The following AIPL1 variants were observed in gnomAD, a reference collection of about 807,000 sequenced individuals.
AIPL1 encodes AIP like 1 HSP90 co-chaperone.
AIPL1 carries 23 observed loss-of-function variants against 32.9 expected under a neutral mutation model. The ratio of observed to expected loss-of-function variants is 0.70; its 90% CI spans 0.50 to 0.99. The LOEUF is 0.99. AIPL1 is among the 50% of genes least tolerant of loss of function. AIPL1 has a pLI of 0.00. For synonymous variants in AIPL1, 210 were observed against 209.4 expected, an observed-to-expected ratio of 1.00 and a Z score of -0.02; for missense variants, 485 against 506.0, an observed-to-expected ratio of 0.96 and a Z score of 0.40.
rs199772097 is a variant in AIPL1 at position 6,425,841 on chromosome 17, C to T, written c.785-11G>A. On this transcript the variant is annotated splice_polypyrimidine_tract_variant and intron_variant, in intron 5 of 5. Coordinates refer to ENST00000381129, the MANE Select transcript of AIPL1 (RefSeq NM_014336.5). Reference sequence around the variant, plus strand: ...AGGCCTTCACGATGCCTGTGGGGAGCAGGGAGCATCCAGCTACAGCTCCCT... The same window carrying T: ...AGGCCTTCACGATGCCTGTGGGGAGTAGGGAGCATCCAGCTACAGCTCCCT... 1.9e-5 allele frequency: 31 copies of T among 1,601,198 alleles called. No homozygotes were observed. Among genetic ancestry groups the T allele is most frequent in the South Asian group, 1.5e-4 (14 of 91,010 alleles).
intron 2 of AIPL1, among the ~76,000 whole-genome samples, chr17:6,430,480 A>AAAAAAAAAG: frequency 6.6e-6 from 1 of 150,918 alleles, no homozygotes; most frequent in Non-Finnish European, 1.5e-5. Flanking sequence ...AAAAAAAAAA[A>AAAAAAAAAG]CAGTTACCAG....
chr17:6,430,964 G>T (rs906378731), intron 2 of AIPL1, among the ~76,000 whole-genome samples: 1 of 151,388 alleles, frequency 6.6e-6, no homozygotes, highest in Non-Finnish European at 1.5e-5. Flanking sequence ...TGTTGAGTGG[G>T]ATCACCTACT....
Position 6,426,964 on chromosome 17 carries a change from G to A in AIPL1, c.559C>T (p.Arg187Trp), listed in dbSNP as rs372483880. ...AVPVLHGEGN[R>W]LFKLGRYEEA... Reference sequence around the variant, plus strand: ...TCGTAGCGGCCCAGCTTGAAGAGCCGATTTCCCTCTCCGTGGAGGACGGGC... The same window carrying A: ...TCGTAGCGGCCCAGCTTGAAGAGCCAATTTCCCTCTCCGTGGAGGACGGGC... Residue 187 changes from arginine to tryptophan, a missense_variant, in exon 4 of 6, where the codon CGG becomes TGG. By Grantham distance (101) the Arg-to-Trp change is moderately radical. Transcript: ENST00000381129. The A allele has an allele frequency of 6.8e-6, 11 of 1,614,074 alleles. No individual in the cohort carries two copies. The highest frequency in any genetic ancestry group is 3.3e-5 in the South Asian group (3 of 91,088).
At chr17:6,431,240 G>C (rs533949889) in intron 2 of AIPL1, among the ~76,000 whole-genome samples, 3 of 151,648 alleles carry the variant, frequency 2.0e-5, no homozygotes, top group Non-Finnish European at 4.4e-5. Flanking sequence ...GAGGTCAAGA[G>C]TTCGAGACCA....
chr17:6,433,369 G>A (rs1912797527), intron 2 of AIPL1, among the ~76,000 whole-genome samples: 1 of 152,146 alleles, frequency 6.6e-6, no homozygotes, highest in Non-Finnish European at 1.5e-5. Context: ...GGCCGAGACA[G>A]GAGGATTGCT....
At chr17:6,426,323 T>C in intron 5 of AIPL1, 1 of 1,381,196 alleles carries the variant, frequency 7.2e-7, no homozygotes, top group Non-Finnish European at 9.4e-7. Flanking sequence ...TTTCCCTATA[T>C]TGATTGCCCC....
intron 2 of AIPL1, 54 bp downstream of exon 2, chr17:6,433,865 G>A: frequency 5.1e-6 from 8 of 1,579,922 alleles, no homozygotes; most frequent in South Asian, 1.1e-5. Flanking sequence ...CAAAGCGGGT[G>A]GGTGAGCCCA....
chr17:6,425,543 G>C lies in AIPL1; in HGVS notation c.1072C>G (p.Pro358Ala). 6.2e-7 allele frequency: 1 copy of C among 1,612,906 alleles called. No homozygotes were observed. Among genetic ancestry groups the C allele is most frequent in the Non-Finnish European group, 8.5e-7 (1 of 1,179,756 alleles). The change falls in exon 6 of 6, where the codon CCA becomes GCA. Residue 358 changes from proline (P) to alanine (A), a missense_variant. Transcript: ENST00000381129. The stretch of plus-strand genomic sequence containing the variant: ...GGCCCTGCGGACAGCTCTGCAGATG[G>C]TGCTGTGGGTGGCTCTGCAGGTGGC... The part of the protein sequence containing the change: ...TEPPAEPPTA[P>A]SAELSAGPPA...
At position 6,425,298 on chromosome 17, in the gene AIPL1, C is replaced by G; in HGVS notation, c.*162G>C. On this transcript the variant is annotated 3_prime_UTR_variant, in exon 6 of 6. Coordinates refer to ENST00000381129, the MANE Select transcript of AIPL1 (RefSeq NM_014336.5). Reference sequence around the variant, plus strand: ...TTTTATTCATAAGCTCTTCTGTACCCTTGGGATTGTTTTTTTTTTTTTTTT... The same window carrying G: ...TTTTATTCATAAGCTCTTCTGTACCGTTGGGATTGTTTTTTTTTTTTTTTT... 1.1e-6 allele frequency: 1 copy of G among 917,010 alleles called. No individual in the cohort carries two copies. Among genetic ancestry groups the G allele is most frequent in the Non-Finnish European group, 1.5e-6 (1 of 648,600 alleles). 56.8% of individuals were successfully genotyped at this position (917,010 alleles called of 1,614,324 possible).
At chr17:6,428,199 T>C in intron 3 of AIPL1, 119 bp downstream of exon 3, 2 of 1,134,752 alleles carry the variant, frequency 1.8e-6, no homozygotes, top group South Asian at 2.6e-5. Context: ...AACCCTCTCG[T>C]ATTATCTAAA....
chr17:6,425,433 C>A lies in AIPL1; in HGVS notation c.*27G>T, dbSNP rs764547895. Reference sequence around the variant, plus strand: ...AAGTGACCAGGCCACTTGCTCCCTGCCTGGGTGGCTGTGGGCCTCAGGGGG... The same window carrying A: ...AAGTGACCAGGCCACTTGCTCCCTGACTGGGTGGCTGTGGGCCTCAGGGGG... On this transcript the variant is annotated 3_prime_UTR_variant, in exon 6 of 6. Coordinates refer to ENST00000381129, the MANE Select transcript of AIPL1 (RefSeq NM_014336.5). The A allele has an allele frequency of 3.2e-6, 5 of 1,566,858 alleles. No individual in the cohort carries two copies. The highest frequency in any genetic ancestry group is 4.3e-6 in the Non-Finnish European group (5 of 1,157,040).
chr17:6,427,182 G>C, intron 3 of AIPL1, 125 bp from the exon 4 acceptor site: 2 of 1,090,176 alleles, frequency 1.8e-6, no homozygotes, highest in African/African-American at 3.1e-5. Context: ...AGTGCATACA[G>C]ACAAGGGAAA....
chr17:6,426,615 C>T lies in AIPL1; in HGVS notation c.784G>A (p.Gly262Ser), dbSNP rs142326926. The T allele has an allele frequency of 7.2e-5, 116 of 1,613,738 alleles. No homozygotes were observed. The highest frequency in any genetic ancestry group is 9.3e-5 in the Non-Finnish European group (110 of 1,179,980). ...HTSDILRHHP[G>S]IVKAYYVRAR... ...TGTCCGCCCCTGCAGCCCCGCGCAC[C>T]TGGGTGGTGCCGGAGAATATCACTG... Residue 262 changes from glycine to serine, a missense_variant and splice_region_variant, in exon 5 of 6, where the codon GGC becomes AGC. Gly to Ser is a moderately conservative substitution (Grantham distance 56). Transcript: ENST00000381129.
chr17:6,425,345 T>C lies in AIPL1; in HGVS notation c.*115A>G, dbSNP rs1179681301. 3.7e-6 allele frequency: 5 copies of C among 1,345,970 alleles called. No homozygotes were observed. In the African/African-American group the frequency reaches 7.3e-5, roughly 20 times the overall value. The allele number at this position is 1,345,970 out of a possible 1,614,324, so 83.4% of individuals were successfully genotyped here. On this transcript the variant is annotated 3_prime_UTR_variant, in exon 6 of 6. Coordinates refer to ENST00000381129, the MANE Select transcript of AIPL1 (RefSeq NM_014336.5). ...TTTTTACCATGGGTGTGTCTGACTTTGATTTCAAAAATTAATTTTAAATTT... is the reference window on the plus strand; with the variant it reads ...TTTTTACCATGGGTGTGTCTGACTTCGATTTCAAAAATTAATTTTAAATTT...
chr17:6,434,916 C>T, intron 1 of AIPL1, 93 bp downstream of exon 1: 1 of 1,581,000 alleles, frequency 6.3e-7, no homozygotes, highest in South Asian at 1.1e-5. Context: ...TTTTTTGGCA[C>T]AGCTGAAAGC....
At chr17:6,430,088 C>T (rs1001735627) in intron 2 of AIPL1, among the ~76,000 whole-genome samples, 24 of 139,242 alleles carry the variant, frequency 1.7e-4, no homozygotes, top group African/African-American at 3.9e-4. Flanking sequence ...TGTGTGTGTG[C>T]ATGCGTACAT....
rs537604731 is a variant in AIPL1 at position 6,432,798 on chromosome 17, T to A, written c.276+1121A>T. ...GGCATGTGCCACCACGCCCAGCTAA[T>A]TTTTGTATTTTTGGTAGAGACGGGG... is the stretch of plus-strand genomic sequence containing the variant. On this transcript the variant is annotated intron_variant, in intron 2 of 5. Coordinates refer to ENST00000381129, the MANE Select transcript of AIPL1 (RefSeq NM_014336.5). 1.3e-4 allele frequency among the ~76,000 whole-genome samples: 20 copies of A among 152,286 alleles called. No homozygotes were observed. In the South Asian group the frequency reaches 4.1e-3, roughly 32 times the overall value.
chr17:6,433,268 G>A (rs868355379), intron 2 of AIPL1, among the ~76,000 whole-genome samples: 1 of 152,178 alleles, frequency 6.6e-6, no homozygotes, highest in Non-Finnish European at 1.5e-5. Context: ...TAATCATGCT[G>A]TATAAAATCT....
intron 2 of AIPL1, among the ~76,000 whole-genome samples, chr17:6,431,243 C>T (rs928934176): frequency 6.6e-6 from 1 of 151,390 alleles, no homozygotes; most frequent in Non-Finnish European, 1.5e-5. Context: ...GTCAAGAGTT[C>T]GAGACCAGCT....
Sources: allele counts gnomAD v4.1 joint callset (sites outside exome capture counted in the v4.1 genomes callset), GRCh38; gene constraint gnomAD v4.1.1; transcripts MANE v1.5; gene names NCBI Gene and HGNC (gene_info 2026-07-23, HGNC 2026-07-21).